The following ADAMTSL3 variants were observed in gnomAD, a reference collection of about 807,000 sequenced individuals.
The protein encoded by ADAMTSL3 is ADAMTS-like protein 3.
ADAMTSL3 carries 128 observed loss-of-function variants against 201.7 expected under a neutral mutation model. The observed-to-expected ratio is 0.63, with a 90% CI of 0.55 to 0.73. The LOEUF (loss-of-function observed/expected upper bound fraction) is 0.73. Ranked by LOEUF, ADAMTSL3 falls within the 30% of genes least tolerant of loss-of-function variation. ADAMTSL3 has a pLI of 0.00. For synonymous variants in ADAMTSL3, 738 were observed against 748.4 expected, an observed-to-expected ratio of 0.99 and a Z score of 0.23; for missense variants, 1,990 against 2,119.6, an observed-to-expected ratio of 0.94 and a Z score of 1.20.
chr15:83,865,643 C>T (rs2064959623), intron 8 of ADAMTSL3, among the ~76,000 whole-genome samples: 1 of 152,062 alleles, frequency 6.6e-6, no homozygotes, highest in South Asian at 2.1e-4. Flanking sequence ...AATGTTTGAC[C>T]TAAAACCATA....
chr15:83,995,027 G>C lies in ADAMTSL3; in HGVS notation c.3973+3813G>C, dbSNP rs546273090. Among the ~76,000 whole-genome samples the C allele has an allele frequency of 6.6e-5, 10 of 152,242 alleles. No individual in the cohort carries two copies. In the South Asian group the frequency reaches 2.1e-3, roughly 32 times the overall value. ...ATGCAGGCCCACAAAGTCTCACCAA[G>C]CCCCCTTGAAACATATGTGACTTAT... On this transcript the variant is annotated intron_variant, in intron 23 of 29. Transcript: ENST00000286744.
intron 15 of ADAMTSL3, among the ~76,000 whole-genome samples, chr15:83,911,481 C>G (rs1293646630): frequency 6.6e-6 from 1 of 152,176 alleles, no homozygotes; most frequent in East Asian, 1.9e-4. Context: ...TAACCAGTCT[C>G]CTTCCCAATT....
chr15:83,670,345 C>G (rs1044817084), intron 2 of ADAMTSL3, among the ~76,000 whole-genome samples: 2 of 150,878 alleles, frequency 1.3e-5, no homozygotes, highest in African/African-American at 4.9e-5. Context: ...TATTTACTAT[C>G]TCACTCATAA....
intron 28 of ADAMTSL3, among the ~76,000 whole-genome samples, chr15:84,035,172 C>T (rs987794385): frequency 1.4e-4 from 21 of 152,154 alleles, no homozygotes; most frequent in Non-Finnish European, 2.9e-4. Flanking sequence ...CTCAATAGTC[C>T]TGTCTGACTT....
At chr15:83,963,607 G>A (rs1391421964) in intron 19 of ADAMTSL3, among the ~76,000 whole-genome samples, 6 of 152,240 alleles carry the variant, frequency 3.9e-5, no homozygotes, top group African/African-American at 1.4e-4. Context: ...GTTCCTGCCT[G>A]CTGGCTCTGA....
chr15:83,953,967 C>G (rs963479327), intron 19 of ADAMTSL3, among the ~76,000 whole-genome samples: 3 of 152,056 alleles, frequency 2.0e-5, no homozygotes, highest in African/African-American at 7.2e-5. Flanking sequence ...ATGGTATTTA[C>G]CCTTGACCTT....
intron 3 of ADAMTSL3, among the ~76,000 whole-genome samples, chr15:83,707,457 A>G (rs1160581670): frequency 1.3e-5 from 2 of 152,232 alleles, no homozygotes; most frequent in African/African-American, 4.8e-5. Flanking sequence ...TTGAGCTATA[A>G]CATATGTAAG....
At chr15:83,872,492 C>CT (rs1047062117) in intron 9 of ADAMTSL3, among the ~76,000 whole-genome samples, 2 of 150,962 alleles carry the variant, frequency 1.3e-5, no homozygotes, top group South Asian at 2.1e-4. Flanking sequence ...CCATAATTAC[C>CT]TTTTTTTTTA....
intron 3 of ADAMTSL3, among the ~76,000 whole-genome samples, chr15:83,765,087 G>C (rs777871264): frequency 3.3e-5 from 5 of 152,184 alleles, no homozygotes; most frequent in African/African-American, 1.2e-4. Context: ...CTGAAGAAGA[G>C]AGAAGTAAAA....
intron 15 of ADAMTSL3, among the ~76,000 whole-genome samples, chr15:83,911,675 C>T (rs11259935): frequency 0.63 from 95,407 of 152,074 alleles, 31,020 homozygotes; most frequent in African/African-American, 0.79. Flanking sequence ...TTGCAGGACA[C>T]GTATATAGTA....
At chr15:84,010,031 G>A (rs1465664088) in intron 23 of ADAMTSL3, among the ~76,000 whole-genome samples, 1 of 152,248 alleles carries the variant, frequency 6.6e-6, no homozygotes, top group Non-Finnish European at 1.5e-5. Context: ...CTGATTGTAA[G>A]AGGCAAGTCT....
chr15:83,779,326 A>G (rs965047059), intron 4 of ADAMTSL3, among the ~76,000 whole-genome samples: 2 of 152,198 alleles, frequency 1.3e-5, no homozygotes, highest in African/African-American at 4.8e-5. Context: ...TCTCATCACC[A>G]CATGGCACTT....
chr15:83,930,831 G>A (rs1412688617), intron 17 of ADAMTSL3, among the ~76,000 whole-genome samples: 1 of 152,214 alleles, frequency 6.6e-6, no homozygotes, highest in Admixed American at 6.5e-5. Context: ...GAAACTAGTG[G>A]TGTAGGAATA....
chr15:83,880,909 C>CT (rs1395717681), intron 9 of ADAMTSL3, among the ~76,000 whole-genome samples: 7 of 137,570 alleles, frequency 5.1e-5, no homozygotes, highest in East Asian at 2.3e-4. Context: ...TTTATAATAT[C>CT]TATTTTTTTT....
chr15:83,905,894 A>AC (rs1279341707), intron 15 of ADAMTSL3, among the ~76,000 whole-genome samples: 1 of 151,852 alleles, frequency 6.6e-6, no homozygotes, highest in African/African-American at 2.4e-5. Flanking sequence ...TCAGGAGATT[A>AC]TCTTTTTTTT....
intron 22 of ADAMTSL3, 88 bp from the exon 23 acceptor site, chr15:83,990,998 G>A (rs1359841662): frequency 3.8e-6 from 6 of 1,573,096 alleles, no homozygotes; most frequent in South Asian, 1.2e-5. Flanking sequence ...GCCCTCAAAG[G>A]GCTCAACAAA....
rs371192673 is a variant in ADAMTSL3, at chr15:83,897,810, G to T, written c.1468-48G>T. ...TTGCATTCGATAAAATAATGCCTTT[G>T]TGGTTCTCTTAAAAGAAATGCGTTG... On this transcript the variant is annotated intron_variant, in intron 13 of 29. Transcript: ENST00000286744. 22 of 1,531,630 alleles carry T rather than the reference G, an allele frequency of 1.4e-5. No homozygotes were observed. In the African/African-American group the frequency reaches 2.1e-4, roughly 14 times the overall value. The allele number at this position is 1,531,630 out of a possible 1,614,324, so 94.9% of individuals were successfully genotyped here. A position where few individuals can be genotyped will look rare whatever the true frequency, so the allele number is the denominator to read the frequency against.
chr15:83,886,882 A>G lies in ADAMTSL3; in HGVS notation c.1072+1670A>G, dbSNP rs185655677. Among the ~76,000 whole-genome samples the G allele has an allele frequency of 3.1e-4, 47 of 152,348 alleles. No individual in the cohort carries two copies. The Middle Eastern group carries it at 0.01, about 33-fold the overall frequency. ...GGGAAGCACTGGGCAGCCCAGGCCC[A>G]AGAAGAAGTTTATGTCCCTGGAAAT... On this transcript the variant is annotated intron_variant, in intron 10 of 29. Transcript: ENST00000286744.
rs182401549 is a variant in ADAMTSL3 at position 83,708,784 on chromosome 15, G to A, written c.189+4276G>A. ...TAATTGGATCATTCTGATTATTGAG[G>A]CAGTCTTGCCAGCAATTCGGTAAAC... On this transcript the variant is annotated intron_variant, in intron 3 of 29. Coordinates refer to ENST00000286744, the MANE Select transcript of ADAMTSL3 (RefSeq NM_207517.3). Among the ~76,000 whole-genome samples the A allele has an allele frequency of 1.2e-4, 19 of 152,248 alleles. No homozygotes were observed. The East Asian group carries it at 2.7e-3, about 22-fold the overall frequency.
Sources: allele counts gnomAD v4.1 joint callset (sites outside exome capture counted in the v4.1 genomes callset), GRCh38; gene constraint gnomAD v4.1.1; transcripts MANE v1.5; gene names NCBI Gene and HGNC (gene_info 2026-07-23, HGNC 2026-07-21).